BMPR1A: variants seen among roughly 807,000 people sequenced by gnomAD.
The protein encoded by BMPR1A is bone morphogenetic protein receptor type-1A.
A neutral mutation model predicts 66.0 loss-of-function variants in BMPR1A; 7 were observed. The ratio of observed to expected loss-of-function variants is 0.11; its 90% CI spans 0.06 to 0.20. The LOEUF is 0.20. BMPR1A is among the 10% of genes least tolerant of loss of function. The pLI, the probability that BMPR1A is intolerant of heterozygous loss-of-function variation, is 1.00. For missense variants in BMPR1A, 408 were observed against 669.1 expected (o/e 0.61, Z 4.31); for synonymous variants, 200 against 229.7 (o/e 0.87, Z 1.17).
chr10:86,925,692 A>T lies in BMPR1A; in HGVS notation c.*1973A>T. 1 of 179,310 alleles carries T rather than the reference A, an allele frequency of 5.6e-6. No individual in the cohort carries two copies. The highest frequency in any genetic ancestry group is 1.2e-5 in the Non-Finnish European group (1 of 85,386). The allele number at this position is 179,310 out of a possible 1,614,324, so 11.1% of individuals were successfully genotyped here. A position where few individuals can be genotyped will look rare whatever the true frequency, so the allele number is the denominator to read the frequency against. Reference sequence around the variant, plus strand: ...TAAATCTTGGTTTACTTTTGACTTGATACCATAATCTTTAAAATCATTTGT... The same window carrying T: ...TAAATCTTGGTTTACTTTTGACTTGTTACCATAATCTTTAAAATCATTTGT... On this transcript the variant is annotated 3_prime_UTR_variant, in exon 13 of 13. Transcript: ENST00000372037.
chr10:86,807,922 A>G lies in BMPR1A; in HGVS notation c.-267-30943A>G, dbSNP rs113488983. On this transcript the variant is annotated intron_variant, in intron 1 of 12. Coordinates refer to ENST00000372037, the MANE Select transcript of BMPR1A (RefSeq NM_004329.3). ...GCTGGGATTACAGGCGCACACCTCC[A>G]TGCCCGGCTAATTTTTGTATTTTTA... Among the ~76,000 whole-genome samples, 4 of 152,248 alleles carry G rather than the reference A, an allele frequency of 2.6e-5. 1 individual carries two copies. The highest frequency in any genetic ancestry group is 7.2e-5 in the African/African-American group (3 of 41,538).
chr10:86,835,295 G>A (rs899009610), intron 1 of BMPR1A, among the ~76,000 whole-genome samples: 1 of 149,712 alleles, frequency 6.7e-6, no homozygotes, highest in African/African-American at 2.5e-5. Flanking sequence ...TCCAGGAGTG[G>A]TGGCTCACGC....
chr10:86,862,591 A>C (rs1282108151), intron 2 of BMPR1A, among the ~76,000 whole-genome samples: 2 of 152,146 alleles, frequency 1.3e-5, no homozygotes, highest in East Asian at 3.9e-4. Context: ...TGCCTTCAGC[A>C]ATCCAGGCAA....
At chr10:86,774,952 T>C (rs1249925465) in intron 1 of BMPR1A, among the ~76,000 whole-genome samples, 1 of 152,218 alleles carries the variant, frequency 6.6e-6, no homozygotes, top group Non-Finnish European at 1.5e-5. Flanking sequence ...CTGGGGCGTG[T>C]AGCAAACCCA....
In BMPR1A at chr10:86,925,067, T is replaced by C. The variant is rs1304076521; in HGVS notation, c.*1348T>C. ...AAATCATTTGAGATTTTTGGTTTTT[T>C]GATTTCTATTCCCTAACTTGTGAAG... On this transcript the variant is annotated 3_prime_UTR_variant, in exon 13 of 13. Coordinates refer to ENST00000372037, the MANE Select transcript of BMPR1A (RefSeq NM_004329.3). 4.3e-6 allele frequency: 1 copy of C among 232,288 alleles called. No homozygotes were observed. The highest frequency in any genetic ancestry group is 2.2e-5 in the African/African-American group (1 of 45,452). The allele number at this position is 232,288 out of a possible 1,614,324, so 14.4% of individuals were successfully genotyped here.
At chr10:86,865,632 T>C (rs1674215982) in intron 2 of BMPR1A, among the ~76,000 whole-genome samples, 3 of 152,084 alleles carry the variant, frequency 2.0e-5, no homozygotes, top group South Asian at 2.1e-4. Flanking sequence ...TCTCTACAAA[T>C]TGAGTTGACA....
At position 86,775,558 on chromosome 10, in the gene BMPR1A, G is replaced by GT. The variant is rs557349013; in HGVS notation, c.-268+18640dup. On this transcript the variant is annotated intron_variant, in intron 1 of 12. Transcript: ENST00000372037. ...TTTGGACAGCATTTCCTGAGAGAAT[G>GT]TATCACTGAGTTTTCTGGAGACCTG... 2.3e-3 allele frequency among the ~76,000 whole-genome samples: 351 copies of GT among 152,214 alleles called. 3 individuals carry two copies. The highest frequency in any genetic ancestry group is 0.016 in the Admixed American group (249 of 15,290).
chr10:86,795,006 CACA>C (rs1841685100), intron 1 of BMPR1A, among the ~76,000 whole-genome samples: 1 of 151,858 alleles, frequency 6.6e-6, no homozygotes, highest in African/African-American at 2.4e-5. Flanking sequence ...CATGCACCAC[CACA>C]ACTAGCTAAT....
intron 7 of BMPR1A, among the ~76,000 whole-genome samples, chr10:86,909,639 T>A (rs1020940492): frequency 6.6e-6 from 1 of 150,482 alleles, no homozygotes; most frequent in Admixed American, 6.6e-5. Flanking sequence ...TTAAATAAGC[T>A]TCAAAAAGTC....
chr10:86,781,697 A>C (rs574396467), intron 1 of BMPR1A, among the ~76,000 whole-genome samples: 1 of 151,936 alleles, frequency 6.6e-6, no homozygotes, highest in Non-Finnish European at 1.5e-5. Context: ...GCTCCTGGCA[A>C]CCACCAGTCT....
intron 2 of BMPR1A, among the ~76,000 whole-genome samples, chr10:86,871,757 G>A (rs907227518): frequency 9.3e-5 from 14 of 150,894 alleles, no homozygotes; most frequent in Admixed American, 2.6e-4. Context: ...AGCTGAGGTT[G>A]TACCACTGCA....
chr10:86,771,421 T>C (rs1311779645), intron 1 of BMPR1A, among the ~76,000 whole-genome samples: 1 of 152,228 alleles, frequency 6.6e-6, no homozygotes, highest in African/African-American at 2.4e-5. Context: ...ACATATTTCC[T>C]TACTCTGAAT....
chr10:86,827,852 CTTTAAAGAAAAAAG>C (rs1292868635), intron 1 of BMPR1A, among the ~76,000 whole-genome samples: 4 of 152,236 alleles, frequency 2.6e-5, no homozygotes, highest in Middle Eastern at 3.4e-3. Context: ...TTAAAGTGGC[CTTTAAAGAAAAAAG>C]TTGCAGGCCG....
At chr10:86,776,898 T>TA (rs1841357569) in intron 1 of BMPR1A, among the ~76,000 whole-genome samples, 1 of 152,314 alleles carries the variant, frequency 6.6e-6, no homozygotes, top group East Asian at 1.9e-4. Flanking sequence ...ATCATGGTCA[T>TA]ACCCCAGTTC....
intron 1 of BMPR1A, among the ~76,000 whole-genome samples, chr10:86,791,691 C>CCTCCCTCCCTCCCTCCCTT (rs1841623816): frequency 2.5e-5 from 1 of 39,690 alleles, no homozygotes; most frequent in Non-Finnish European, 4.8e-5. Context: ...CTTCCTTCCT[C>CCTCCCTCCCTCCCTCCCTT]CCTCCCTCCC....
At chr10:86,831,031 T>C (rs539757791) in intron 1 of BMPR1A, among the ~76,000 whole-genome samples, 1 of 152,382 alleles carries the variant, frequency 6.6e-6, no homozygotes, top group East Asian at 1.9e-4. Context: ...CTCATCCCTG[T>C]TGTATCATGA....
At chr10:86,758,857 G>A (rs1414207296) in intron 1 of BMPR1A, among the ~76,000 whole-genome samples, 1 of 152,144 alleles carries the variant, frequency 6.6e-6, no homozygotes, top group Non-Finnish European at 1.5e-5. Context: ...TTTTCTGTAA[G>A]ATTTAACATC....
chr10:86,785,263 T>C (rs1372840899), intron 1 of BMPR1A, among the ~76,000 whole-genome samples: 2 of 152,202 alleles, frequency 1.3e-5, no homozygotes, highest in African/African-American at 2.4e-5. Flanking sequence ...GCATGTGTAC[T>C]TGAGAAAATG....
intron 1 of BMPR1A, among the ~76,000 whole-genome samples, chr10:86,802,999 G>A (rs1430806965): frequency 2.8e-4 from 30 of 106,260 alleles, no homozygotes; most frequent in Non-Finnish European, 4.2e-4. Flanking sequence ...AGCAAGACCC[G>A]GTCTCAAAAA....
Sources: allele counts gnomAD v4.1 joint callset (sites outside exome capture counted in the v4.1 genomes callset), GRCh38; gene constraint gnomAD v4.1.1; transcripts MANE v1.5; gene names NCBI Gene and HGNC (gene_info 2026-07-23, HGNC 2026-07-21).